The following CFAP47 variants were observed in gnomAD, a reference collection of about 807,000 sequenced individuals.
CFAP47 encodes the protein cilia- and flagella-associated protein 47.
A neutral mutation model predicts 148.1 loss-of-function variants in CFAP47; 29 were observed. That is an observed-to-expected ratio of 0.20 (90% confidence interval 0.15 to 0.27). The LOEUF (loss-of-function observed/expected upper bound fraction) is 0.27. CFAP47 is among the 10% of genes least tolerant of loss of function. The probability of loss-of-function intolerance (pLI) is 1.00; values close to 1 mark genes in which losing one functional copy is unlikely to be tolerated. For missense variants in CFAP47, 1,872 were observed against 1,697.5 expected (o/e 1.10, Z -1.81); for synonymous variants, 664 against 577.3 (o/e 1.15, Z -2.15).
intron 56 of CFAP47, among the ~76,000 whole-genome samples, chrX:36,317,620 G>A (rs374202810): frequency 8.7e-5 from 9 of 103,515 alleles, no homozygotes; most frequent in Non-Finnish European, 1.2e-4. Context: ...GGGTTTCACC[G>A]TGTTAGCCAG....
At chrX:36,076,061 G>A (rs1357959659) in intron 29 of CFAP47, among the ~76,000 whole-genome samples, 1 of 111,344 alleles carries the variant, frequency 9.0e-6, no homozygotes, top group Non-Finnish European at 1.9e-5. Context: ...GGGATTGCTG[G>A]GTTGAATGGT....
At chrX:36,277,459 A>T (rs1198918005) in intron 49 of CFAP47, among the ~76,000 whole-genome samples, 1 of 112,239 alleles carries the variant, frequency 8.9e-6, no homozygotes, top group Non-Finnish European at 1.9e-5. Context: ...ACATATATGT[A>T]CCTGAGGACA....
At position 36,235,846 on chromosome X, in the gene CFAP47, A is replaced by T. The variant is rs1435399273; in HGVS notation, c.7015-88A>T. 15 of 403,860 alleles carry T rather than the reference A, an allele frequency of 3.7e-5. No individual in the cohort carries two copies. The South Asian group carries it at 8.3e-4, about 22-fold the overall frequency. The allele number at this position is 403,860 out of a possible 1,213,427, so 33.3% of individuals were successfully genotyped here. On this transcript the variant is annotated intron_variant, in intron 46 of 63. Coordinates refer to ENST00000378653, the MANE Select transcript of CFAP47 (RefSeq NM_001304548.2). Reference sequence around the variant, plus strand: ...AATACAATTAAAAATACAATATATAATGCTATAGAAATTACCAAGAATTCA... The same window carrying T: ...AATACAATTAAAAATACAATATATATTGCTATAGAAATTACCAAGAATTCA...
intron 61 of CFAP47, 62 bp from the exon 62 acceptor site, chrX:36,366,904 T>C: frequency 1.3e-6 from 1 of 746,612 alleles, no homozygotes; most frequent in Non-Finnish European, 1.8e-6. Context: ...TTTAGTTTGC[T>C]ATATTTATTC....
intron 30 of CFAP47, among the ~76,000 whole-genome samples, chrX:36,094,139 C>CA (rs1938233824): frequency 9.0e-6 from 1 of 111,187 alleles, no homozygotes; most frequent in Admixed American, 9.6e-5. Flanking sequence ...GTCTTTTCCC[C>CA]AGTGTGTGTT....
intron 61 of CFAP47, chrX:36,365,856 A>T: frequency 8.9e-6 from 1 of 111,762 alleles, no homozygotes; most frequent in Non-Finnish European, 1.9e-5. Flanking sequence ...TTCACAGTGT[A>T]TATGCACCAC....
chrX:36,225,696 T>C (rs183008934), intron 45 of CFAP47, among the ~76,000 whole-genome samples: 37 of 111,420 alleles, frequency 3.3e-4, no homozygotes, highest in Admixed American at 8.6e-4. Context: ...CTGGGATCCA[T>C]AGAGATCTGT....
chrX:35,924,193 GTA>G (rs1270854324), intron 1 of CFAP47, among the ~76,000 whole-genome samples: 12 of 104,492 alleles, frequency 1.1e-4, no homozygotes, highest in Non-Finnish European at 2.2e-4. Context: ...ACATGTATGT[GTA>G]TATATGGACA....
At chrX:36,340,351 GAA>G (rs1392137796) in intron 57 of CFAP47, among the ~76,000 whole-genome samples, 1 of 111,841 alleles carries the variant, frequency 8.9e-6, no homozygotes, top group Non-Finnish European at 1.9e-5. Context: ...TATATAAAAA[GAA>G]AAGATAGTCT....
At chrX:36,287,017 A>C (rs782724788) in intron 51 of CFAP47, among the ~76,000 whole-genome samples, 4 of 111,136 alleles carry the variant, frequency 3.6e-5, no homozygotes, top group Non-Finnish European at 7.6e-5. Flanking sequence ...TAAAAGGTGA[A>C]GACTGTCACA....
At chrX:36,371,739 T>TACACACATGTGTGTATATACACAC (rs200743716) in intron 62 of CFAP47, among the ~76,000 whole-genome samples, 3 of 58,732 alleles carry the variant, frequency 5.1e-5, no homozygotes, top group Admixed American at 1.7e-4. Flanking sequence ...TGTGTGTATA[T>TACACACATGTGTGTATATACACAC]ATGTGTGTAT....
intron 27 of CFAP47, among the ~76,000 whole-genome samples, chrX:36,068,766 G>T (rs939324174): frequency 1.9e-5 from 2 of 107,962 alleles, no homozygotes; most frequent in African/African-American, 6.8e-5. Flanking sequence ...GACCATCCTG[G>T]CCAACATGGT....
chrX:36,073,683 A>G (rs1467263666), intron 29 of CFAP47, among the ~76,000 whole-genome samples: 1 of 110,982 alleles, frequency 9.0e-6, no homozygotes, highest in Non-Finnish European at 1.9e-5. Context: ...CCCTTTTAAT[A>G]TTAGCCCTAG....
At chrX:36,043,192 G>T (rs1450401300) in intron 25 of CFAP47, among the ~76,000 whole-genome samples, 1 of 111,761 alleles carries the variant, frequency 8.9e-6, no homozygotes, top group Non-Finnish European at 1.9e-5. Context: ...TAGAAACTAA[G>T]TATTAAAAAC....
chrX:35,945,818 T>C (rs1936076557), intron 3 of CFAP47, among the ~76,000 whole-genome samples: 2 of 110,539 alleles, frequency 1.8e-5, no homozygotes, highest in African/African-American at 3.3e-5. Flanking sequence ...AAATGAAAAT[T>C]TGATCACAAA....
intron 49 of CFAP47, among the ~76,000 whole-genome samples, chrX:36,268,057 G>T (rs1184413490): frequency 3.5e-5 from 4 of 112,742 alleles, no homozygotes; most frequent in Non-Finnish European, 7.5e-5. Flanking sequence ...TCACATGATT[G>T]TCTAGACATG....
chrX:35,967,130 C>T lies in CFAP47; in HGVS notation c.1600+376C>T, dbSNP rs185594071. 5.6e-4 allele frequency among the ~76,000 whole-genome samples: 62 copies of T among 111,158 alleles called. 1 individual carries two copies. Among genetic ancestry groups the T allele is most frequent in the Admixed American group, 5.2e-3 (54 of 10,357 alleles). On this transcript the variant is annotated intron_variant, in intron 9 of 63. Coordinates refer to ENST00000378653, the MANE Select transcript of CFAP47 (RefSeq NM_001304548.2). ...GCCATTACTGCCATTCTGAGGATTG[C>T]GCTTTGAGTAGCACTGGTTTATTGA...
At chrX:36,034,366 A>G (rs1167273970) in intron 23 of CFAP47, among the ~76,000 whole-genome samples, 2 of 110,873 alleles carry the variant, frequency 1.8e-5, no homozygotes, top group African/African-American at 6.5e-5. Context: ...GATGTCTGCT[A>G]GGTTTCTCCA....
intron 35 of CFAP47, among the ~76,000 whole-genome samples, chrX:36,142,142 T>C (rs1488304390): frequency 8.9e-6 from 1 of 112,093 alleles, no homozygotes; most frequent in Non-Finnish European, 1.9e-5. Context: ...CATTATGTAC[T>C]GCTAATTATA....
Sources: gnomAD v4.1 joint callset for allele counts (sites outside exome capture counted in the v4.1 genomes callset) on GRCh38, gnomAD v4.1.1 for gene constraint, MANE v1.5 for transcripts, NCBI Gene and HGNC (gene_info 2026-07-23, HGNC 2026-07-21) for gene names.